NRXN3: variants seen among roughly 807,000 people sequenced by gnomAD.
The protein encoded by NRXN3 is neurexin III.
Under a neutral mutation model 137.6 loss-of-function variants are expected in NRXN3, and 32 were observed. That is an observed-to-expected ratio of 0.23 (90% CI 0.18 to 0.31). The LOEUF (loss-of-function observed/expected upper bound fraction) is 0.31, where lower values mean the gene tolerates loss of function less well. NRXN3 is among the 10% of genes least tolerant of loss of function. The pLI, the probability that NRXN3 is intolerant of heterozygous loss-of-function variation, is 1.00. For synonymous variants in NRXN3, 798 were observed against 784.5 expected, an observed-to-expected ratio of 1.02 and a Z score of -0.29; for missense variants, 1,574 against 2,062.5, an observed-to-expected ratio of 0.76 and a Z score of 4.59.
At chr14:79,623,833 T>G (rs150016817) in intron 16 of NRXN3, among the ~76,000 whole-genome samples, 1 of 150,494 alleles carries the variant, frequency 6.6e-6, no homozygotes, top group Non-Finnish European at 1.5e-5. Context: ...AAGAAATCAC[T>G]GAGTCCTTAG....
intron 4 of NRXN3, among the ~76,000 whole-genome samples, chr14:78,367,237 G>C (rs2153612767): frequency 6.6e-6 from 1 of 152,274 alleles, no homozygotes; most frequent in East Asian, 1.9e-4. Flanking sequence ...CAGAGGTATA[G>C]TTTTCTGGCT....
chr14:78,264,168 G>C (rs2071294307), intron 2 of NRXN3, among the ~76,000 whole-genome samples: 1 of 152,132 alleles, frequency 6.6e-6, no homozygotes, highest in East Asian at 1.9e-4. Flanking sequence ...TATCTGTTGG[G>C]TCACTATAGA....
At chr14:79,454,619 A>G (rs61993159) in intron 15 of NRXN3, among the ~76,000 whole-genome samples, 12,041 of 152,306 alleles carry the variant, frequency 0.079, 646 homozygotes, top group Middle Eastern at 0.13. Flanking sequence ...AACGATGTTG[A>G]ATAATATTGT....
At chr14:79,717,562 A>G (rs2098827833) in intron 19 of NRXN3, among the ~76,000 whole-genome samples, 3 of 152,220 alleles carry the variant, frequency 2.0e-5, no homozygotes, top group Admixed American at 2.0e-4. Flanking sequence ...AAAAGAAAGC[A>G]ATGCAGTTTA....
chr14:79,839,991 G>GTATC (rs59626700), intron 20 of NRXN3, among the ~76,000 whole-genome samples: 29,301 of 147,696 alleles, frequency 0.2, 7,099 homozygotes, highest in East Asian at 0.45. Flanking sequence ...ATGTATGTAT[G>GTATC]TATTTAAACG....
At chr14:79,714,756 CTTG>C (rs1400559503) in intron 19 of NRXN3, among the ~76,000 whole-genome samples, 2 of 152,164 alleles carry the variant, frequency 1.3e-5, no homozygotes, top group African/African-American at 2.4e-5. Flanking sequence ...GCTACATCCT[CTTG>C]TTGTCCTCCT....
At chr14:79,370,917 T>G (rs1455756130) in intron 15 of NRXN3, among the ~76,000 whole-genome samples, 2 of 152,158 alleles carry the variant, frequency 1.3e-5, no homozygotes, top group Non-Finnish European at 2.9e-5. Flanking sequence ...CTTGTAACAA[T>G]TTTGCAAAAA....
chr14:79,070,967 T>G (rs944618948), intron 15 of NRXN3, among the ~76,000 whole-genome samples: 1 of 152,212 alleles, frequency 6.6e-6, no homozygotes. Context: ...ATTAAGGCTA[T>G]GCATAGCAAT....
intron 15 of NRXN3, among the ~76,000 whole-genome samples, chr14:79,267,518 C>T (rs1280705017): frequency 6.6e-6 from 1 of 152,066 alleles, no homozygotes; most frequent in East Asian, 1.9e-4. Context: ...CCACCACACC[C>T]AGCTAAGTTT....
chr14:78,548,031 T>C (rs888082741), intron 4 of NRXN3, among the ~76,000 whole-genome samples: 4 of 152,222 alleles, frequency 2.6e-5, no homozygotes, highest in African/African-American at 9.6e-5. Flanking sequence ...ATGGAGATCA[T>C]TTTAGTTAAA....
chr14:79,812,679 C>A (rs932678283), intron 20 of NRXN3, among the ~76,000 whole-genome samples: 1 of 152,114 alleles, frequency 6.6e-6, no homozygotes, highest in Non-Finnish European at 1.5e-5. Flanking sequence ...GGAATTAGTA[C>A]AGCTCAGTAA....
chr14:78,532,662 G>T (rs946501728), intron 4 of NRXN3, among the ~76,000 whole-genome samples: 4 of 151,284 alleles, frequency 2.6e-5, no homozygotes, highest in African/African-American at 9.7e-5. Context: ...TCTTTCCTGT[G>T]TTCCCACCTA....
intron 15 of NRXN3, among the ~76,000 whole-genome samples, chr14:79,127,930 T>C (rs1395538147): frequency 4.0e-5 from 6 of 150,612 alleles, no homozygotes; most frequent in Non-Finnish European, 8.9e-5. Flanking sequence ...TTTATTCTCT[T>C]TGAAGCAATT....
intron 19 of NRXN3, among the ~76,000 whole-genome samples, chr14:79,769,745 A>C (rs1453773383): frequency 6.6e-6 from 1 of 152,146 alleles, no homozygotes. Context: ...CTAACATCAT[A>C]ACGACAGGAT....
At chr14:79,697,514 T>C in intron 18 of NRXN3, 116 bp from the exon 19 acceptor site, 1 of 1,036,612 alleles carries the variant, frequency 9.6e-7, no homozygotes, top group Non-Finnish European at 1.4e-6. Flanking sequence ...GTCTATTTTT[T>C]CCTCCCCTTC....
chr14:78,406,373 C>G (rs1027921057), intron 4 of NRXN3, among the ~76,000 whole-genome samples: 1 of 152,272 alleles, frequency 6.6e-6, no homozygotes, highest in East Asian at 1.9e-4. Flanking sequence ...AGGATGACTG[C>G]GGGAGTTTCA....
chr14:79,548,577 T>G (rs1377599779), intron 16 of NRXN3, among the ~76,000 whole-genome samples: 1 of 152,064 alleles, frequency 6.6e-6, no homozygotes, highest in Non-Finnish European at 1.5e-5. Context: ...CTAGGTAGTA[T>G]GGCATTTCTA....
chr14:78,197,518 G>A (rs1380227492), intron 1 of NRXN3, among the ~76,000 whole-genome samples: 1 of 152,210 alleles, frequency 6.6e-6, no homozygotes, highest in East Asian at 1.9e-4. Flanking sequence ...GGCCTCTCAT[G>A]CTGCTTTCCT....
chr14:79,683,281 A>G (rs1374264103), intron 17 of NRXN3, among the ~76,000 whole-genome samples: 2 of 152,208 alleles, frequency 1.3e-5, no homozygotes, highest in Non-Finnish European at 2.9e-5. Flanking sequence ...GCACACATTT[A>G]GCTAGATTTA....
Sources: allele counts gnomAD v4.1 joint callset (sites outside exome capture counted in the v4.1 genomes callset), GRCh38; gene constraint gnomAD v4.1.1; transcripts MANE v1.5; gene names NCBI Gene and HGNC (gene_info 2026-07-23, HGNC 2026-07-21).